Variants in FRYL observed in about 807,000 individuals in gnomAD.
The protein encoded by FRYL is FRY like transcription coactivator.
A neutral mutation model predicts 351.2 loss-of-function variants in FRYL; 150 were observed. The observed-to-expected ratio is 0.43, with a 90% CI of 0.37 to 0.49. The LOEUF (loss-of-function observed/expected upper bound fraction) is 0.49. Among genes scored for constraint, FRYL ranks in the 20% least tolerant of loss-of-function variants. The pLI, the probability that FRYL is intolerant of heterozygous loss-of-function variation, is 0.00. For missense variants in FRYL, 3,036 were observed against 3,619.3 expected, an observed-to-expected ratio of 0.84 and a Z score of 4.13; for synonymous variants, 1,153 against 1,257.1, an observed-to-expected ratio of 0.92 and a Z score of 1.75.
At position 48,564,955 on chromosome 4, in the gene FRYL, A is replaced by C; in HGVS notation, c.3419T>G (p.Ile1140Ser). The C allele has an allele frequency of 6.3e-7, 1 of 1,598,410 alleles. No individual in the cohort carries two copies. Among genetic ancestry groups the C allele is most frequent in the Non-Finnish European group, 8.6e-7 (1 of 1,168,288 alleles). ...DGYLYKWLDN[I>S]LDSLDKKVHQ... ...TACCTTTTTGTCCAGAGAATCCAAA[A>C]TGTTATCCAACCATTTGTACAAATA... The change falls in exon 30 of 64, where the codon ATT becomes AGT. Residue 1140 changes from isoleucine (I) to serine (S), a missense_variant. Physicochemically the swap from Ile to Ser is moderately radical, Grantham distance 142 (BLOSUM62 -2). This residue lies in a region of FRYL where 1,987 missense variants were observed against 2,311.7 expected (regional missense o/e 0.86). Transcript: ENST00000358350.
chr4:48,634,949 G>A (rs780709322), intron 3 of FRYL, among the ~76,000 whole-genome samples: 1 of 152,190 alleles, frequency 6.6e-6, no homozygotes, highest in African/African-American at 2.4e-5. Context: ...TATGCTCAGT[G>A]AAGACCTCAC....
intron 33 of FRYL, among the ~76,000 whole-genome samples, chr4:48,558,684 C>A (rs1053120883): frequency 2.0e-5 from 3 of 152,178 alleles, no homozygotes; most frequent in Non-Finnish European, 4.4e-5. Flanking sequence ...AGGAACCTCA[C>A]AAATTTTGGT....
intron 1 of FRYL, among the ~76,000 whole-genome samples, chr4:48,729,061 G>A (rs1440853953): frequency 6.6e-6 from 1 of 152,252 alleles, no homozygotes; most frequent in Non-Finnish European, 1.5e-5. Flanking sequence ...GGCAGACCAG[G>A]AGATCCCCTC....
Position 48,540,505 on chromosome 4 carries a change from T to C in FRYL, c.6143A>G (p.Gln2048Arg), listed in dbSNP as rs775562816. ...SESREKIENV[Q>R]SKLKWTNFPG... ...AAAATTAGTCCATTTCAATTTGCTT[T>C]GTACATTTTCAATCTTCTCTCGACT... is the stretch of plus-strand genomic sequence containing the variant. The change falls in exon 46 of 64, where the codon CAA becomes CGA. Residue 2048 changes from glutamine (Q) to arginine (R), a missense_variant. Around this residue, in one of 7 missense-constraint regions of FRYL, gnomAD observed 1,987 missense variants for 2,311.7 expected, o/e 0.86. Coordinates refer to ENST00000358350, the MANE Select transcript of FRYL (RefSeq NM_015030.2). 6.2e-7 allele frequency: 1 copy of C among 1,614,120 alleles called. No individual in the cohort carries two copies. The highest frequency in any genetic ancestry group is 2.2e-5 in the East Asian group (1 of 44,888).
intron 3 of FRYL, among the ~76,000 whole-genome samples, chr4:48,643,666 A>G (rs1370625015): frequency 1.3e-5 from 2 of 152,236 alleles, no homozygotes; most frequent in Admixed American, 1.3e-4. Flanking sequence ...ATCGTTACAA[A>G]TATTAAAAAA....
chr4:48,661,230 T>A (rs1401499401), intron 3 of FRYL, among the ~76,000 whole-genome samples: 4 of 152,360 alleles, frequency 2.6e-5, no homozygotes, highest in African/African-American at 9.6e-5. Context: ...TCAAGACTTC[T>A]ACTTCTAGCC....
At chr4:48,616,201 A>G (rs1211637395) in intron 7 of FRYL, among the ~76,000 whole-genome samples, 4 of 151,842 alleles carry the variant, frequency 2.6e-5, no homozygotes, top group Non-Finnish European at 5.9e-5. Flanking sequence ...CATGTACCCC[A>G]GCACTTAAAG....
At chr4:48,589,670 A>G in intron 18 of FRYL, 75 bp downstream of exon 18, 1 of 1,383,394 alleles carries the variant, frequency 7.2e-7, no homozygotes, top group Non-Finnish European at 1.0e-6. Flanking sequence ...AAGTAAGGAG[A>G]CAGGTAAGCA....
rs1560494907 is a variant in FRYL, at chr4:48,501,273, T to TTC, written c.8592+348_8592+349dup. ...TGCTGCAATCACAGCTCACTACAGC[T>TTC]TCTAACTCCTGGGCTCAAGTCATCA... On this transcript the variant is annotated intron_variant, in intron 62 of 63. Coordinates refer to ENST00000358350, the MANE Select transcript of FRYL (RefSeq NM_015030.2). Among the ~76,000 whole-genome samples, 8 of 152,198 alleles carry TTC rather than the reference T, an allele frequency of 5.3e-5. No homozygotes were observed. The South Asian group carries it at 1.7e-3, about 32-fold the overall frequency.
chr4:48,760,729 T>C (rs1165447412), intron 1 of FRYL, among the ~76,000 whole-genome samples: 1 of 152,154 alleles, frequency 6.6e-6, no homozygotes, highest in Non-Finnish European at 1.5e-5. Context: ...CAGGCTGGAG[T>C]GCAATGGTGC....
At chr4:48,580,712 C>A in intron 22 of FRYL, 153 bp downstream of exon 22, 1 of 498,344 alleles carries the variant, frequency 2.0e-6, no homozygotes, top group South Asian at 3.6e-5. Flanking sequence ...TTTTTAAGTA[C>A]TACTCTTAAG....
chr4:48,551,068 TAAA>T (rs1220502208), intron 37 of FRYL, among the ~76,000 whole-genome samples: 1 of 124,912 alleles, frequency 8.0e-6, no homozygotes. Flanking sequence ...TCCATCTCAA[TAAA>T]AAAAAAAAAA....
At chr4:48,723,987 G>T (rs1030452365) in intron 1 of FRYL, among the ~76,000 whole-genome samples, 18 of 150,130 alleles carry the variant, frequency 1.2e-4, no homozygotes, top group African/African-American at 4.2e-4. Flanking sequence ...AATTAGGTGG[G>T]TGTGGTGGCA....
At chr4:48,542,795 C>G (rs1254894201) in intron 44 of FRYL, among the ~76,000 whole-genome samples, 1 of 152,106 alleles carries the variant, frequency 6.6e-6, no homozygotes, top group Non-Finnish European at 1.5e-5. Context: ...TCTAAGCTAC[C>G]ACCATTTCAG....
At chr4:48,769,687 CAGG>C (rs1775316220) in intron 1 of FRYL, among the ~76,000 whole-genome samples, 2 of 152,168 alleles carry the variant, frequency 1.3e-5, no homozygotes, top group Non-Finnish European at 2.9e-5. Flanking sequence ...TGTTCTTCAG[CAGG>C]TGAAGAGTTA....
At chr4:48,773,718 G>C (rs997232686) in intron 1 of FRYL, among the ~76,000 whole-genome samples, 7 of 152,190 alleles carry the variant, frequency 4.6e-5, no homozygotes, top group African/African-American at 1.7e-4. Flanking sequence ...TTCAGCCTAG[G>C]AGTTCAAGAT....
At chr4:48,543,486 T>C (rs1379735681) in intron 44 of FRYL, among the ~76,000 whole-genome samples, 2 of 152,208 alleles carry the variant, frequency 1.3e-5, no homozygotes, top group Non-Finnish European at 2.9e-5. Flanking sequence ...TAAAATTCAA[T>C]GCTCCACTTT....
chr4:48,589,921 T>C (rs1338450459), intron 17 of FRYL, 44 bp from the exon 18 acceptor site: 1 of 1,481,042 alleles, frequency 6.8e-7, no homozygotes, highest in Non-Finnish European at 9.4e-7. Context: ...TGAAATTAGA[T>C]AAAGAATACT....
chr4:48,747,324 A>T (rs1772798218), intron 1 of FRYL, among the ~76,000 whole-genome samples: 1 of 152,232 alleles, frequency 6.6e-6, no homozygotes, highest in Non-Finnish European at 1.5e-5. Flanking sequence ...AGAAATGGAA[A>T]AAATCCTCAA....
Sources: gnomAD v4.1 joint callset for allele counts (sites outside exome capture counted in the v4.1 genomes callset) on GRCh38, gnomAD v4.1.1 for gene constraint, gnomAD v4.1.1 regional missense constraint, MANE v1.5 for transcripts, NCBI Gene and HGNC (gene_info 2026-07-23, HGNC 2026-07-21) for gene names.